Variants in COL6A5 observed in about 807,000 individuals in gnomAD.
COL6A5 encodes collagen type VI alpha 5 chain, also known as collagen alpha-5(VI) chain.
A neutral mutation model predicts 65.6 loss-of-function variants in COL6A5; 48 were observed. The ratio of observed to expected loss-of-function variants is 0.73; its 90% CI spans 0.58 to 0.93. The LOEUF is 0.93. Ranked by LOEUF, COL6A5 falls within the 40% of genes least tolerant of loss-of-function variation. The pLI, the probability that COL6A5 is intolerant of heterozygous loss-of-function variation, is 0.00. For missense variants in COL6A5, 914 were observed against 928.3 expected, an observed-to-expected ratio of 0.98 and a Z score of 0.20; for synonymous variants, 291 against 322.8, an observed-to-expected ratio of 0.90 and a Z score of 1.05.
chr3:130,414,524 T>A lies in COL6A5; in HGVS notation c.4761+393T>A, dbSNP rs977590270. On this transcript the variant is annotated intron_variant and NMD_transcript_variant, in intron 22 of 41. Coordinates refer to the COL6A5 transcript ENST00000312481. ...GTTGGAAACTGCTACTCGACTTGCT[T>A]AAAGCTAACTCTACAGGGGTATCAG... 8.5e-5 allele frequency among the ~76,000 whole-genome samples: 13 copies of A among 152,138 alleles called. No homozygotes were observed. In the East Asian group the frequency reaches 2.5e-3, roughly 29 times the overall value.
chr3:130,365,109 A>G (rs1052160003), intron 1 of COL6A5, among the ~76,000 whole-genome samples: 4 of 152,214 alleles, frequency 2.6e-5, no homozygotes, highest in Non-Finnish European at 5.9e-5. Context: ...TGGATCAATC[A>G]CAGTGACTGT....
intron 4 of COL6A5, among the ~76,000 whole-genome samples, chr3:130,452,391 A>C (rs932545272): frequency 6.6e-6 from 1 of 152,142 alleles, no homozygotes; most frequent in Non-Finnish European, 1.5e-5. Context: ...AGCATGCACC[A>C]GTTTGAGAAA....
At chr3:130,348,240 A>C (rs1192361842) in intron 1 of COL6A5, among the ~76,000 whole-genome samples, 1 of 152,210 alleles carries the variant, frequency 6.6e-6, no homozygotes, top group Non-Finnish European at 1.5e-5. Flanking sequence ...CCCCACATGC[A>C]TTAGGCATTT....
chr3:130,410,523 G>A, exon 20 of COL6A5: 1 of 1,550,204 alleles, frequency 6.5e-7, no homozygotes. Context: ...AGAGGCAGCA[G>A]GGTAAGTATT....
At chr3:130,440,595 C>T in exon 3 of COL6A5, 1 of 1,613,476 alleles carries the variant, frequency 6.2e-7, no homozygotes, top group South Asian at 1.1e-5. Flanking sequence ...TTTGTGGTCT[C>T]AGCTGGAGAA....
chr3:130,378,191 C>A (rs1260373827), intron 3 of COL6A5, among the ~76,000 whole-genome samples: 1 of 152,102 alleles, frequency 6.6e-6, no homozygotes, highest in East Asian at 1.9e-4. Context: ...ATCTCCTCTT[C>A]AATACTCAGT....
exon 8 of COL6A5, chr3:130,484,615 A>T (rs1710328161): frequency 2.5e-6 from 1 of 398,900 alleles, no homozygotes; most frequent in Non-Finnish European, 4.4e-6. Context: ...GGACATTGAC[A>T]AAAGAATGGA....
At chr3:130,352,144 C>A (rs1302837320) in intron 1 of COL6A5, among the ~76,000 whole-genome samples, 1 of 152,110 alleles carries the variant, frequency 6.6e-6, no homozygotes, top group Non-Finnish European at 1.5e-5. Context: ...ACATCACACA[C>A]TGGGGCCTGT....
rs1445191027 is a variant in COL6A5, at chr3:130,453,138, ATCC to A, written c.1333-2311_1333-2309del. The stretch of plus-strand genomic sequence containing the variant: ...ATCACAGCGTCCTGAGGTGACATAC[ATCC>A]TCCTCAGCTTACGAGATGACAGGAT... On this transcript the variant is annotated intron_variant, in intron 4 of 7. Transcript: ENST00000512836. Among the ~76,000 whole-genome samples the A allele has an allele frequency of 2.0e-5, 3 of 152,134 alleles. No individual in the cohort carries two copies. The South Asian group carries it at 6.2e-4, about 32-fold the overall frequency.
At chr3:130,412,788 G>T (rs572636209) in intron 20 of COL6A5, among the ~76,000 whole-genome samples, 4 of 152,168 alleles carry the variant, frequency 2.6e-5, no homozygotes, top group Non-Finnish European at 4.4e-5. Flanking sequence ...ACCTGGTGGA[G>T]CTGATACTTG....
In COL6A5 at chr3:130,397,924, G is replaced by GT; in HGVS notation, c.3909+2dup. On this transcript the variant is annotated splice_donor_variant and NMD_transcript_variant, in intron 9 of 41. Coordinates refer to the COL6A5 transcript ENST00000312481. ...GGATAAATCTGCATCCCGGGGCCAG[G>GT]TATCCATATTACATTCTATCTCCCA... The GT allele has an allele frequency of 6.5e-7, 1 of 1,550,020 alleles. No individual in the cohort carries two copies.
At chr3:130,391,892 C>A (rs1936416698) in intron 7 of COL6A5, 138 bp downstream of exon 7, 1 of 713,302 alleles carries the variant, frequency 1.4e-6, no homozygotes, top group Non-Finnish European at 2.3e-6. Context: ...GTTTTCTCAT[C>A]TCTAAAAGAA....
intron 29 of COL6A5, among the ~76,000 whole-genome samples, 176 bp from the exon 30 acceptor site, chr3:130,426,038 G>C (rs1937595411): frequency 6.6e-6 from 1 of 152,138 alleles, no homozygotes; most frequent in South Asian, 2.1e-4. Context: ...CTACACCCTT[G>C]ATGTGAGTAG....
chr3:130,396,179 A>C (rs1936594145), intron 8 of COL6A5, among the ~76,000 whole-genome samples: 1 of 152,214 alleles, frequency 6.6e-6, no homozygotes, highest in Admixed American at 6.5e-5. Flanking sequence ...ATTTGAGGCT[A>C]GGAGTTGAGA....
At chr3:130,405,846 GCATTAATAAA>G in intron 14 of COL6A5, 137 bp from the exon 15 acceptor site, 1 of 913,198 alleles carries the variant, frequency 1.1e-6, no homozygotes, top group Non-Finnish European at 1.7e-6. Context: ...GGAGTCTTTA[GCATTAATAAA>G]TTGCATCTCT....
exon 3 of COL6A5, chr3:130,376,735 T>C (rs1559865992): frequency 1.2e-6 from 2 of 1,613,522 alleles, no homozygotes; most frequent in Admixed American, 3.3e-5. Flanking sequence ...CATTTCAACC[T>C]TCGGACAATC....
At chr3:130,417,732 G>A (rs1937389529) in intron 24 of COL6A5, among the ~76,000 whole-genome samples, 1 of 152,096 alleles carries the variant, frequency 6.6e-6, no homozygotes, top group African/African-American at 2.4e-5. Flanking sequence ...CCCTCTCCAG[G>A]GTCCTGTGAC....
chr3:130,392,580 T>A (rs903843172), intron 7 of COL6A5, among the ~76,000 whole-genome samples: 1 of 152,170 alleles, frequency 6.6e-6, no homozygotes, highest in African/African-American at 2.4e-5. Context: ...TCCTTTCTTC[T>A]TCACTTCCTT....
Position 130,480,678 on chromosome 3 carries a change from T to C in COL6A5, c.2329-3357T>C, listed in dbSNP as rs570652360. Among the ~76,000 whole-genome samples, 4 of 152,142 alleles carry C rather than the reference T, an allele frequency of 2.6e-5. No homozygotes were observed. The South Asian group carries it at 6.2e-4, about 24-fold the overall frequency. On this transcript the variant is annotated intron_variant, in intron 7 of 7. Coordinates refer to ENST00000512836, the Ensembl canonical transcript of COL6A5. ...CCACTTAAACTCATAACGAAAAAAA[T>C]AGATATTTAAAATGTCCAAGGCAAG...
Sources: gnomAD v4.1 joint callset for allele counts (sites outside exome capture counted in the v4.1 genomes callset) on GRCh38, gnomAD v4.1.1 for gene constraint, MANE v1.5 for transcripts, NCBI Gene and HGNC (gene_info 2026-07-23, HGNC 2026-07-21) for gene names.